STXBP2: variants seen among roughly 807,000 people sequenced by gnomAD.
The protein encoded by STXBP2 is syntaxin binding protein 2.
In STXBP2, 47 loss-of-function variants were observed where a neutral mutation model predicts 72.2. The ratio of observed to expected loss-of-function variants is 0.65; its 90% CI spans 0.51 to 0.83. The LOEUF is 0.83. Ranked by LOEUF, STXBP2 falls within the 40% of genes least tolerant of loss-of-function variation. The pLI is 0.00. For missense variants in STXBP2, 702 were observed against 807.6 expected, an observed-to-expected ratio of 0.87 and a Z score of 1.58; for synonymous variants, 367 against 338.7, an observed-to-expected ratio of 1.08 and a Z score of -0.92.
the STXBP2 span, chr19:7,631,013 A>G: frequency 1.1e-6 from 1 of 910,892 alleles, no homozygotes; most frequent in Non-Finnish European, 1.7e-6. Flanking sequence ...GTTCAAAACC[A>G]GCCTGGCCAA....
chr19:7,646,577 C>T, intron 16 of STXBP2: 1 of 612,360 alleles, frequency 1.6e-6, no homozygotes, highest in Non-Finnish European at 3.0e-6. Flanking sequence ...TGCCGGCTGC[C>T]TCCGCTATAT....
At position 7,638,723 on chromosome 19, in the gene STXBP2, C is replaced by T. The variant is rs774409953; in HGVS notation, c.38-3C>T. The T allele has an allele frequency of 1.9e-6, 3 of 1,614,000 alleles. No homozygotes were observed. Among genetic ancestry groups the T allele is most frequent in the Non-Finnish European group, 2.5e-6 (3 of 1,180,030 alleles). The stretch of plus-strand genomic sequence containing the variant: ...TCTGACCCCTCCCCTCCCTTCCCTG[C>T]AGAAATTCTGAGCGGAGTTATTCGG... On this transcript the variant is annotated splice_region_variant and splice_polypyrimidine_tract_variant and intron_variant, in intron 1 of 18. Transcript: ENST00000221283.
At chr19:7,644,837 C>T (rs1314658541) in intron 14 of STXBP2, 85 bp downstream of exon 14, 5 of 1,600,866 alleles carry the variant, frequency 3.1e-6, no homozygotes, top group Non-Finnish European at 2.6e-6. Flanking sequence ...CCACAGCTCT[C>T]CTTGGGTCAT....
At chr19:7,641,102 T>A in intron 6 of STXBP2, 99 bp downstream of exon 6, 1 of 1,278,640 alleles carries the variant, frequency 7.8e-7, no homozygotes, top group Non-Finnish European at 1.1e-6. Flanking sequence ...CAGTGGCTCA[T>A]ACCTGTAATC....
chr19:7,633,075 G>T, upstream of STXBP2: 1 of 1,296,862 alleles, frequency 7.7e-7, no homozygotes, highest in South Asian at 1.5e-5. Flanking sequence ...ACCGCTTCAA[G>T]GGACAGGCTC....
At chr19:7,633,035 G>A (rs1272588014), upstream of STXBP2, 5 of 1,425,448 alleles carry the variant, frequency 3.5e-6, no homozygotes, top group East Asian at 1.0e-4. Context: ...CGCCCCAGGG[G>A]CCCTGGCCAG....
At chr19:7,630,352 C>CTCCA in the STXBP2 span, 1 of 582,320 alleles carries the variant, frequency 1.7e-6, no homozygotes, top group Non-Finnish European at 3.1e-6. Context: ...GAGAGGAAGA[C>CTCCA]TCCAGCTCAG....
upstream of STXBP2, among the ~76,000 whole-genome samples, chr19:7,634,951 G>A (rs539772206): frequency 6.6e-5 from 10 of 152,294 alleles, no homozygotes; most frequent in South Asian, 2.1e-3. Flanking sequence ...GAACCAGGCA[G>A]ACATATAACT....
upstream of STXBP2, chr19:7,633,648 C>T (rs2031429123): frequency 1.6e-6 from 1 of 612,488 alleles, no homozygotes; most frequent in Non-Finnish European, 2.8e-6. Flanking sequence ...CACAACGATG[C>T]TGGATCTGGC....
intron 4 of STXBP2, 63 bp from the exon 5 acceptor site, chr19:7,640,668 C>T: frequency 1.2e-6 from 2 of 1,606,310 alleles, no homozygotes; most frequent in Non-Finnish European, 1.7e-6. Context: ...GGCTGGGAGG[C>T]CTAGGCAGCC....
chr19:7,640,344 ATGCGTCTG>A (rs1568465194), intron 4 of STXBP2: 1 of 458,996 alleles, frequency 2.2e-6, no homozygotes, highest in Non-Finnish European at 3.9e-6. Flanking sequence ...GCGTGTGTGT[ATGCGTCTG>A]TGCATGTGTG....
chr19:7,646,450 A>T (rs2032142941), intron 16 of STXBP2, 106 bp downstream of exon 16: 3 of 1,055,912 alleles, frequency 2.8e-6, no homozygotes, highest in Non-Finnish European at 2.9e-6. Context: ...GAAAATGCTC[A>T]TTGCTGGCAT....
At chr19:7,646,430 G>GA in intron 16 of STXBP2, 86 bp downstream of exon 16, 3 of 1,230,260 alleles carry the variant, frequency 2.4e-6, no homozygotes, top group Non-Finnish European at 3.5e-6. Flanking sequence ...CTAAGCCTCA[G>GA]GGCTTAGGGG....
In STXBP2 at chr19:7,642,957, C is replaced by G; in HGVS notation, c.961-26C>G. 6.2e-7 allele frequency: 1 copy of G among 1,614,128 alleles called. No homozygotes were observed. Among genetic ancestry groups the G allele is most frequent in the Non-Finnish European group, 8.5e-7 (1 of 1,179,970 alleles). ...ACTGCCTGGCTTCGCCCCCCAATCCCTACCCTCTTCCCCCTACTTCCCCAG... is the reference window on the plus strand; with the variant it reads ...ACTGCCTGGCTTCGCCCCCCAATCCGTACCCTCTTCCCCCTACTTCCCCAG... On this transcript the variant is annotated intron_variant, in intron 11 of 18. Coordinates refer to ENST00000221283, the MANE Select transcript of STXBP2 (RefSeq NM_006949.4). This position sits in a 1 kb window ranked among gnomAD's most constrained non-coding sequence, Gnocchi z 6.0.
At chr19:7,632,541 G>T, upstream of STXBP2, 1 of 1,610,776 alleles carries the variant, frequency 6.2e-7, no homozygotes. The surrounding 1 kb of genome is among the most constrained non-coding windows in gnomAD (Gnocchi z 5.2). Context: ...CACAGACTTG[G>T]GAGGACACAG....
Position 7,647,790 on chromosome 19 carries a change from G to T in STXBP2, c.1762G>T (p.Glu588Ter), listed in dbSNP as rs1268122676. 3.1e-6 allele frequency: 5 copies of T among 1,613,876 alleles called. No homozygotes were observed. The highest frequency in any genetic ancestry group is 2.7e-5 in the African/African-American group (2 of 74,858). The change falls in exon 19 of 19, where the codon GAG becomes TAG. Residue 588 changes from glutamate to a stop codon, truncating the protein, a stop_gained. Transcript: ENST00000221283. LOFTEE classifies it high-confidence loss of function. ...CCTGAAGGCACTGGACAAGAAGCTG[G>T]AGGACATTGCCCTGCCCTGACCCCT... ...DDLKALDKKLEDIALP is the reference protein window; with the variant it reads ...DDLKALDKKL
rs753360209 is a variant in STXBP2, at chr19:7,642,568, C to CT, written c.902+32_902+33insT. 6.2e-7 allele frequency: 1 copy of CT among 1,607,496 alleles called. No individual in the cohort carries two copies. The highest frequency in any genetic ancestry group is 2.2e-5 in the East Asian group (1 of 44,858). On this transcript the variant is annotated intron_variant, in intron 10 of 18. Transcript: ENST00000221283. This position sits in a 1 kb window ranked among gnomAD's most constrained non-coding sequence, Gnocchi z 6.0. ...GCACACGGGGACCGGATCCCCCCCC[C>CT]ACCGCCCACTGTGGGCCTGGTAGCG...
chr19:7,636,141 C>T (rs1057023653), upstream of STXBP2: 10 of 152,198 alleles, frequency 6.6e-5, no homozygotes, highest in Non-Finnish European at 1.2e-4. Context: ...CCTATCTCCC[C>T]CAGACCTTCG....
Position 7,639,802 on chromosome 19 carries a change from GAGA to G in STXBP2, c.244_246del (p.Lys82del), listed in dbSNP as rs1724595608. On this transcript the variant is annotated inframe_deletion and splice_region_variant, in exon 4 of 19. Transcript: ENST00000221283. ...GGCCATTTATTTGCTGAGCCCCACG[GAGA>G]AGGTGCCTACATGAGTGAGCGTGTG... 5.0e-6 allele frequency: 8 copies of G among 1,613,926 alleles called. No individual in the cohort carries two copies. Among genetic ancestry groups the G allele is most frequent in the Non-Finnish European group, 6.8e-6 (8 of 1,179,962 alleles).
Sources: gnomAD v4.1 joint callset for allele counts (sites outside exome capture counted in the v4.1 genomes callset) on GRCh38, gnomAD v4.1.1 for gene constraint, Gnocchi (gnomAD v3.1) non-coding constraint, MANE v1.5 for transcripts, NCBI Gene and HGNC (gene_info 2026-07-23, HGNC 2026-07-21) for gene names.